Variants in CLNK observed in about 807,000 individuals in gnomAD.
The protein encoded by CLNK is cytokine-dependent hematopoietic cell linker.
In CLNK, 74 loss-of-function variants were observed where a neutral mutation model predicts 68.6. That is an observed-to-expected ratio of 1.08 (90% confidence interval 0.89 to 1.31). CLNK has a LOEUF of 1.31. Ranked by LOEUF, CLNK falls within the 50% of genes most tolerant of loss-of-function variation. CLNK has a pLI of 0.00. For missense variants in CLNK, 553 were observed against 515.3 expected, an observed-to-expected ratio of 1.07 and a Z score of -0.71; for synonymous variants, 198 against 172.2, an observed-to-expected ratio of 1.15 and a Z score of -1.17.
Position 10,490,128 on chromosome 4 carries a change from C to A in CLNK, c.*339G>T. ...CATTTAAGCAACAGCTTCTGGTGCC[C>A]TTTGCTGCTCGCCTGTATCATGAGC... On this transcript the variant is annotated 3_prime_UTR_variant, in exon 19 of 19. Coordinates refer to ENST00000226951, the MANE Select transcript of CLNK (RefSeq NM_052964.4). The A allele has an allele frequency of 4.8e-6, 1 of 206,516 alleles. No individual in the cohort carries two copies. Among genetic ancestry groups the A allele is most frequent in the Non-Finnish European group, 9.7e-6 (1 of 103,568 alleles). The allele number at this position is 206,516 out of a possible 1,614,324, so 12.8% of individuals were successfully genotyped here.
At chr4:10,685,664 C>T (rs761587819), upstream of CLNK, among the ~76,000 whole-genome samples, 22 of 152,180 alleles carry the variant, frequency 1.4e-4, no homozygotes, top group South Asian at 8.3e-4. Flanking sequence ...GTAAATAACT[C>T]TGGTTTTGAC....
rs114650485 is a variant in CLNK, at chr4:10,596,463, A to G, written c.83+1515T>C. On this transcript the variant is annotated intron_variant, in intron 3 of 18. Coordinates refer to ENST00000226951, the MANE Select transcript of CLNK (RefSeq NM_052964.4). ...ATTCTACACTGCAATGCTGCCCATA[A>G]GTAGCTTCTTCCTTATCTTATCATC... Among the ~76,000 whole-genome samples, 267 of 152,332 alleles carry G rather than the reference A, an allele frequency of 1.8e-3. 1 individual carries two copies. The highest frequency in any genetic ancestry group is 6.1e-3 in the African/African-American group (254 of 41,572).
intron 15 of CLNK, among the ~76,000 whole-genome samples, chr4:10,516,011 C>T (rs1352906134): frequency 6.6e-6 from 1 of 151,976 alleles, no homozygotes; most frequent in Non-Finnish European, 1.5e-5. Flanking sequence ...CTATATACCT[C>T]AATCAAAATA....
At chr4:10,680,080 C>T (rs781075710) in intron 1 of CLNK, among the ~76,000 whole-genome samples, 8 of 152,018 alleles carry the variant, frequency 5.3e-5, no homozygotes, top group Non-Finnish European at 1.0e-4. Flanking sequence ...ATGTTTATTG[C>T]GGCACTATTC....
intron 2 of CLNK, among the ~76,000 whole-genome samples, chr4:10,627,786 C>A (rs935669413): frequency 2.0e-5 from 3 of 152,194 alleles, no homozygotes; most frequent in Admixed American, 6.5e-5. Flanking sequence ...CTCCCACCCC[C>A]ACAGGCATTC....
chr4:10,593,711 G>A (rs901654809), intron 3 of CLNK, among the ~76,000 whole-genome samples: 3 of 152,174 alleles, frequency 2.0e-5, no homozygotes, highest in African/African-American at 7.2e-5. Context: ...CGTCTCCAAA[G>A]GATGATGACT....
chr4:10,655,334 C>CAGTGAGAGAG (rs1723930711), intron 2 of CLNK, among the ~76,000 whole-genome samples: 1 of 135,326 alleles, frequency 7.4e-6, no homozygotes, highest in Non-Finnish European at 1.6e-5. Context: ...CCCCCAAAGA[C>CAGTGAGAGAG]AGAGAGAGAG....
At chr4:10,659,156 G>A (rs919880270) in intron 2 of CLNK, among the ~76,000 whole-genome samples, 1 of 152,172 alleles carries the variant, frequency 6.6e-6, no homozygotes, top group Non-Finnish European at 1.5e-5. Flanking sequence ...AGCTGAGATC[G>A]TGCTACTGCA....
At chr4:10,657,432 T>C (rs1724030082) in intron 2 of CLNK, among the ~76,000 whole-genome samples, 1 of 152,230 alleles carries the variant, frequency 6.6e-6, no homozygotes, top group Non-Finnish European at 1.5e-5. Flanking sequence ...TCTTTATGCC[T>C]TATGCATATT....
chr4:10,667,917 G>A lies in CLNK; in HGVS notation c.-42-6C>T, dbSNP rs751437807. ...AGAGGGATCTTCAATTCAGCCTGTGGAAACAAAAGCAAACGCGTTACTGGA... is the reference window on the plus strand; with the variant it reads ...AGAGGGATCTTCAATTCAGCCTGTGAAAACAAAAGCAAACGCGTTACTGGA... On this transcript the variant is annotated splice_polypyrimidine_tract_variant and splice_region_variant and intron_variant, in intron 1 of 18. Transcript: ENST00000226951. 14 of 1,368,910 alleles carry A rather than the reference G, an allele frequency of 1.0e-5. No homozygotes were observed. Among genetic ancestry groups the A allele is most frequent in the African/African-American group, 1.7e-5 (1 of 57,190 alleles). 84.8% of individuals were successfully genotyped at this position (1,368,910 alleles called of 1,614,324 possible).
chr4:10,585,557 C>T (rs1720938375), intron 3 of CLNK, among the ~76,000 whole-genome samples: 1 of 152,248 alleles, frequency 6.6e-6, no homozygotes, highest in South Asian at 2.1e-4. Context: ...ACCGGAGTCT[C>T]AGCCTCCTCT....
At chr4:10,564,622 A>T (rs773244239) in intron 7 of CLNK, 49 bp downstream of exon 7, 17 of 1,312,788 alleles carry the variant, frequency 1.3e-5, no homozygotes, top group Non-Finnish European at 1.8e-5. Context: ...CTAGCTGGTT[A>T]GGAAGAGCCC....
At chr4:10,732,066 C>A in the CLNK span, among the ~76,000 whole-genome samples, 1 of 152,134 alleles carries the variant, frequency 6.6e-6, no homozygotes, top group African/African-American at 2.4e-5. Flanking sequence ...CATCATATAG[C>A]ATTTTTATTA....
intron 1 of CLNK, among the ~76,000 whole-genome samples, chr4:10,670,217 G>A (rs1724574638): frequency 6.6e-6 from 1 of 152,234 alleles, no homozygotes; most frequent in Non-Finnish European, 1.5e-5. Context: ...AGTTGCTTTA[G>A]CATCAGTCAT....
intron 15 of CLNK, among the ~76,000 whole-genome samples, chr4:10,519,776 G>T (rs144118587): frequency 7.2e-5 from 11 of 152,216 alleles, no homozygotes; most frequent in African/African-American, 2.6e-4. Flanking sequence ...AAGCAAAAAA[G>T]GACATTAAAA....
the CLNK span, among the ~76,000 whole-genome samples, chr4:10,727,769 T>C: frequency 6.6e-6 from 1 of 152,182 alleles, no homozygotes; most frequent in Non-Finnish European, 1.5e-5. Context: ...ATGTAAATAA[T>C]GGAACACCAG....
At chr4:10,734,641 C>T in the CLNK span, among the ~76,000 whole-genome samples, 28 of 152,322 alleles carry the variant, frequency 1.8e-4, no homozygotes, top group East Asian at 5.2e-3. Context: ...AAATCTTCTT[C>T]GATGTCAAAA....
At chr4:10,508,844 A>AC (rs1238517846) in intron 16 of CLNK, among the ~76,000 whole-genome samples, 3 of 94,098 alleles carry the variant, frequency 3.2e-5, no homozygotes, top group Admixed American at 2.7e-4. Context: ...GTGGTGGCTC[A>AC]ATGCCTGTAA....
At chr4:10,611,633 C>T (rs960351661) in intron 2 of CLNK, among the ~76,000 whole-genome samples, 1 of 152,120 alleles carries the variant, frequency 6.6e-6, no homozygotes, top group African/African-American at 2.4e-5. Flanking sequence ...CCTGGTGCCA[C>T]ACTTTATGAT....
Sources: allele counts gnomAD v4.1 joint callset (sites outside exome capture counted in the v4.1 genomes callset), GRCh38; gene constraint gnomAD v4.1.1; transcripts MANE v1.5; gene names NCBI Gene and HGNC (gene_info 2026-07-23, HGNC 2026-07-21).